Variants in TRMT44 observed in about 807,000 individuals in gnomAD.
TRMT44 encodes tRNA methyltransferase 44 homolog, also known as probable tRNA (uracil-O(2)-)-methyltransferase.
Under a neutral mutation model 77.3 loss-of-function variants are expected in TRMT44, and 78 were observed. That is an observed-to-expected ratio of 1.01 (90% confidence interval 0.84 to 1.22). The LOEUF (loss-of-function observed/expected upper bound fraction) is 1.22, where lower values mean the gene tolerates loss of function less well. Ranked by LOEUF, TRMT44 falls within the 50% of genes most tolerant of loss-of-function variation. TRMT44 has a pLI of 0.00. For missense variants in TRMT44, 1,090 were observed against 964.4 expected (o/e 1.13, Z -1.73); for synonymous variants, 391 against 383.3 (o/e 1.02, Z -0.23).
At chr4:8,484,137 G>A (rs1392408643) in intron 2 of TRMT44, among the ~76,000 whole-genome samples, 2 of 152,174 alleles carry the variant, frequency 1.3e-5, no homozygotes, top group African/African-American at 4.8e-5. Context: ...TGGCGATTAG[G>A]CCTGGTGGAA....
chr4:8,502,650 C>A, the TRMT44 span, among the ~76,000 whole-genome samples: 1 of 124,722 alleles, frequency 8.0e-6, no homozygotes, highest in Admixed American at 8.8e-5. Context: ...TCCTCTTTGG[C>A]AAAGTGGGGT....
Position 8,472,936 on chromosome 4 carries a change from C to G in TRMT44, c.2044+1736C>G, listed in dbSNP as rs563419919. 7.9e-5 allele frequency among the ~76,000 whole-genome samples: 12 copies of G among 152,318 alleles called. No homozygotes were observed. The East Asian group carries it at 2.1e-3, about 27-fold the overall frequency. ...GTTTCCTGAAATACTGTCTTTTTCA[C>G]CCATGATGAGTCTGCTTGTATGTCA... On this transcript the variant is annotated intron_variant, in intron 10 of 10. Transcript: ENST00000389737.
chr4:8,466,331 C>T (rs1253732145), intron 8 of TRMT44, among the ~76,000 whole-genome samples: 3 of 148,728 alleles, frequency 2.0e-5, no homozygotes, highest in African/African-American at 7.7e-5. Flanking sequence ...GGGCTGATCG[C>T]GGAGCTCCGC....
chr4:8,490,276 C>A (rs890989533), intron 2 of TRMT44, among the ~76,000 whole-genome samples: 2 of 152,248 alleles, frequency 1.3e-5, no homozygotes, highest in African/African-American at 4.8e-5. Flanking sequence ...CTTGGTCTCA[C>A]TGACTTCAAG....
chr4:8,503,979 G>A, the TRMT44 span, among the ~76,000 whole-genome samples: 98,425 of 151,998 alleles, frequency 0.65, 32,643 homozygotes, highest in African/African-American at 0.81. Context: ...GGGACAGAGC[G>A]TCTCCCCCGA....
the TRMT44 span, among the ~76,000 whole-genome samples, chr4:8,499,244 C>G: frequency 2.0e-5 from 3 of 152,082 alleles, no homozygotes; most frequent in Admixed American, 2.0e-4. Context: ...GAGACTTGCC[C>G]CAACACTGTG....
intron 10 of TRMT44, 138 bp from the exon 11 acceptor site, chr4:8,475,633 AG>A: frequency 1.4e-6 from 1 of 734,326 alleles, no homozygotes; most frequent in Admixed American, 2.5e-5. Flanking sequence ...TGTGACCAGC[AG>A]GAACTCTAGG....
intron 2 of TRMT44, among the ~76,000 whole-genome samples, chr4:8,482,717 G>A (rs1033050992): frequency 2.0e-5 from 3 of 152,258 alleles, no homozygotes; most frequent in East Asian, 1.9e-4. Context: ...GTGGTGGAAT[G>A]TCATCAGTTA....
At chr4:8,501,218 C>T in the TRMT44 span, among the ~76,000 whole-genome samples, 4 of 152,198 alleles carry the variant, frequency 2.6e-5, no homozygotes, top group South Asian at 2.1e-4. This position sits in a 1 kb window ranked among gnomAD's most constrained non-coding sequence, Gnocchi z 4.4. Flanking sequence ...ATGTGCAGGG[C>T]GGGAGGTGGC....
At chr4:8,448,909 A>C (rs1445661195) in intron 2 of TRMT44, among the ~76,000 whole-genome samples, 3 of 152,186 alleles carry the variant, frequency 2.0e-5, no homozygotes, top group Non-Finnish European at 2.9e-5. Flanking sequence ...GCTTGTTCTT[A>C]GGAATGTCCG....
downstream of TRMT44, among the ~76,000 whole-genome samples, chr4:8,481,125 C>G (rs953965560): frequency 1.3e-5 from 2 of 152,196 alleles, no homozygotes; most frequent in Admixed American, 1.3e-4. Context: ...ACTTTGGTCT[C>G]CACAATCTTT....
chr4:8,490,892 A>G (rs945532307), intron 2 of TRMT44, among the ~76,000 whole-genome samples: 5 of 152,146 alleles, frequency 3.3e-5, no homozygotes, highest in Non-Finnish European at 7.4e-5. Context: ...AGCTAGATAC[A>G]AAGGTTCTCC....
At chr4:8,515,153 G>T in the TRMT44 span, among the ~76,000 whole-genome samples, 4 of 152,110 alleles carry the variant, frequency 2.6e-5, no homozygotes, top group African/African-American at 9.7e-5. Flanking sequence ...TTTTTGTAGA[G>T]ACAGGATTTC....
In TRMT44 at chr4:8,449,668, G is replaced by T. The variant is rs774431548; in HGVS notation, c.735-1G>T. ...TATTCATATTTCTCTTATTTTTAAA[G>T]GTTCATATCTGTTTTAATTTTCTGT... On this transcript the variant is annotated splice_acceptor_variant, in intron 2 of 10. Coordinates refer to ENST00000389737, the MANE Select transcript of TRMT44 (RefSeq NM_152544.3). LOFTEE classifies it high-confidence loss of function. The T allele has an allele frequency of 2.0e-6, 3 of 1,530,660 alleles. No individual in the cohort carries two copies. The highest frequency in any genetic ancestry group is 2.4e-5 in the South Asian group (2 of 83,654). The allele number at this position is 1,530,660 out of a possible 1,614,324, so 94.8% of individuals were successfully genotyped here.
At chr4:8,447,969 G>C (rs897510561) in intron 2 of TRMT44, among the ~76,000 whole-genome samples, 1 of 152,232 alleles carries the variant, frequency 6.6e-6, no homozygotes, top group Admixed American at 6.5e-5. Context: ...CTGCGTTGGA[G>C]TGACTTTCAT....
In TRMT44 at chr4:8,446,737, C is replaced by A; in HGVS notation, c.734+147C>A. On this transcript the variant is annotated intron_variant, in intron 2 of 10. Coordinates refer to ENST00000389737, the MANE Select transcript of TRMT44 (RefSeq NM_152544.3). This position sits in a 1 kb window ranked among gnomAD's most constrained non-coding sequence, Gnocchi z 4.3. The stretch of plus-strand genomic sequence containing the variant: ...GAATGCAGTTGCTAGCTTATGTGCC[C>A]AGGCCATGTTGCTCTTCCTGTTGGT... The A allele has an allele frequency of 1.7e-6, 1 of 581,374 alleles. No individual in the cohort carries two copies. The highest frequency in any genetic ancestry group is 3.0e-6 in the Non-Finnish European group (1 of 337,670). The allele number at this position is 581,374 out of a possible 1,614,324, so 36.0% of individuals were successfully genotyped here. A position where few individuals can be genotyped will look rare whatever the true frequency, so the allele number is the denominator to read the frequency against.
chr4:8,451,959 G>A lies in TRMT44; in HGVS notation c.955-1G>A. 6.5e-7 allele frequency: 1 copy of A among 1,536,654 alleles called. No individual in the cohort carries two copies. The highest frequency in any genetic ancestry group is 8.7e-7 in the Non-Finnish European group (1 of 1,146,988). On this transcript the variant is annotated splice_acceptor_variant, in intron 3 of 10. Coordinates refer to ENST00000389737, the MANE Select transcript of TRMT44 (RefSeq NM_152544.3). LOFTEE classifies it high-confidence loss of function. This position sits in a 1 kb window ranked among gnomAD's most constrained non-coding sequence, Gnocchi z 4.1. Reference sequence around the variant, plus strand: ...TATGTTTGCTCTTGAAACTGTTTTAGGTGTGGCCTGAAGTCACTGATCCTG... The same window carrying A: ...TATGTTTGCTCTTGAAACTGTTTTAAGTGTGGCCTGAAGTCACTGATCCTG...
At chr4:8,475,044 G>GT (rs1727285386) in intron 10 of TRMT44, among the ~76,000 whole-genome samples, 1 of 152,236 alleles carries the variant, frequency 6.6e-6, no homozygotes, top group Non-Finnish European at 1.5e-5. Context: ...CCCCCTTCGT[G>GT]TTCCTGTTCC....
chr4:8,496,825 AT>A (rs1383742071), downstream of TRMT44, among the ~76,000 whole-genome samples: 1 of 151,436 alleles, frequency 6.6e-6, no homozygotes, highest in African/African-American at 2.4e-5. Context: ...ATGGGGTTAA[AT>A]TTTTTAAATT....
Sources: gnomAD v4.1 joint callset for allele counts (sites outside exome capture counted in the v4.1 genomes callset) on GRCh38, gnomAD v4.1.1 for gene constraint, Gnocchi (gnomAD v3.1) non-coding constraint, MANE v1.5 for transcripts, NCBI Gene and HGNC (gene_info 2026-07-23, HGNC 2026-07-21) for gene names.